The following ACSL1 variants were observed in gnomAD, a reference collection of about 807,000 sequenced individuals.
ACSL1 encodes acyl-CoA synthetase long chain family member 1.
In ACSL1, 41 loss-of-function variants were observed where a neutral mutation model predicts 98.4. The ratio of observed to expected loss-of-function variants is 0.42; its 90% CI spans 0.32 to 0.54. The LOEUF (loss-of-function observed/expected upper bound fraction) is 0.54, where lower values mean the gene tolerates loss of function less well. ACSL1 is among the 20% of genes least tolerant of loss of function. The pLI is 0.13. For synonymous variants in ACSL1, 316 were observed against 322.7 expected (o/e 0.98, Z 0.22); for missense variants, 734 against 883.1 (o/e 0.83, Z 2.14).
chr4:184,768,108 TGTG>T (rs1763901773), intron 12 of ACSL1: 1 of 519,464 alleles, frequency 1.9e-6, no homozygotes, highest in Non-Finnish European at 3.3e-6. Context: ...GTTTACAAAG[TGTG>T]TTCATGCATT....
chr4:184,804,852 T>C (rs1028231984), intron 1 of ACSL1, among the ~76,000 whole-genome samples: 2 of 152,204 alleles, frequency 1.3e-5, no homozygotes, highest in Non-Finnish European at 1.5e-5. Context: ...GCTCTGTGAT[T>C]CATCCTGAGT....
chr4:184,795,473 C>T (rs1769195101), intron 2 of ACSL1, among the ~76,000 whole-genome samples: 1 of 152,196 alleles, frequency 6.6e-6, no homozygotes, highest in Admixed American at 6.5e-5. Context: ...TGACCTTTAG[C>T]TTTTTCTTCC....
At chr4:184,818,158 G>A (rs1435598015) in intron 1 of ACSL1, among the ~76,000 whole-genome samples, 2 of 152,188 alleles carry the variant, frequency 1.3e-5, no homozygotes, top group Non-Finnish European at 2.9e-5. Flanking sequence ...TCAGAAGCTT[G>A]CCTGAGGCGC....
chr4:184,764,800 A>T, intron 15 of ACSL1, 53 bp downstream of exon 15: 1 of 1,508,874 alleles, frequency 6.6e-7, no homozygotes, highest in South Asian at 1.2e-5. Flanking sequence ...CAGACATACC[A>T]ATAACCCAGT....
chr4:184,764,030 T>A (rs971378166), intron 15 of ACSL1, among the ~76,000 whole-genome samples: 10 of 152,196 alleles, frequency 6.6e-5, no homozygotes, highest in African/African-American at 2.4e-4. Context: ...TAGTGGACAG[T>A]GCTAGGTTCT....
intron 1 of ACSL1, among the ~76,000 whole-genome samples, chr4:184,819,211 T>C (rs6858297): frequency 0.067 from 10,139 of 151,186 alleles, 1,143 homozygotes; most frequent in African/African-American, 0.23. Context: ...GGCACGATCT[T>C]GGCTCACTGC....
Position 184,770,243 on chromosome 4 carries a change from C to G in ACSL1, c.993+156G>C, listed in dbSNP as rs559967781. The G allele has an allele frequency of 2.6e-6, 4 of 1,539,088 alleles. No individual in the cohort carries two copies. In the East Asian group the frequency reaches 9.8e-5, roughly 38 times the overall value. On this transcript the variant is annotated intron_variant, in intron 11 of 20. Coordinates refer to ENST00000281455, the MANE Select transcript of ACSL1 (RefSeq NM_001995.5). ...TTCTCTATAGGGATGACAGTCCGCA[C>G]GCCACACTTACCTTCAATAACTGTT...
chr4:184,770,353 G>A, intron 11 of ACSL1, 46 bp downstream of exon 11: 1 of 1,605,682 alleles, frequency 6.2e-7, no homozygotes, highest in Non-Finnish European at 8.5e-7. Context: ...CAACAACTTA[G>A]CAGAACATAC....
At chr4:184,809,196 C>A (rs1771782962) in intron 1 of ACSL1, among the ~76,000 whole-genome samples, 1 of 152,194 alleles carries the variant, frequency 6.6e-6, no homozygotes, top group South Asian at 2.1e-4. Context: ...CAGCTGAATA[C>A]TTCTACACTT....
chr4:184,774,979 T>C (rs1304682509), intron 7 of ACSL1, among the ~76,000 whole-genome samples: 2 of 152,220 alleles, frequency 1.3e-5, no homozygotes, highest in African/African-American at 2.4e-5. Flanking sequence ...ACATAACTTC[T>C]GGAGATGCCC....
At position 184,757,685 on chromosome 4, in the gene ACSL1, C is replaced by T. The variant is rs1346627652; in HGVS notation, c.1906G>A (p.Glu636Lys). The T allele has an allele frequency of 4.3e-6, 7 of 1,614,060 alleles. No homozygotes were observed. The highest frequency in any genetic ancestry group is 2.2e-5 in the East Asian group (1 of 44,872). The change falls in exon 20 of 21, where the codon GAA becomes AAA. Residue 636 changes from glutamate to lysine, a missense_variant. By Grantham distance (56) the Glu-to-Lys change is moderately conservative. Transcript: ENST00000281455. This position sits in a 1 kb window ranked among gnomAD's most constrained non-coding sequence, Gnocchi z 4.5. Reference sequence around the variant, plus strand: ...TCCTTCCCAAGTCTCACCATATCTTCGAGGATAGCTTTTTTGACATCCTAA... The same window carrying T: ...TCCTTCCCAAGTCTCACCATATCTTTGAGGATAGCTTTTTTGACATCCTAA... ...RNKDVKKAIL[E>K]DMVRLGKDSG...
chr4:184,766,850 GA>G lies in ACSL1; in HGVS notation c.1129-95del. 7.1e-7 allele frequency: 1 copy of G among 1,398,768 alleles called. No individual in the cohort carries two copies. Among genetic ancestry groups the G allele is most frequent in the Non-Finnish European group, 9.7e-7 (1 of 1,034,570 alleles). 86.6% of individuals were successfully genotyped at this position (1,398,768 alleles called of 1,614,324 possible). A position where few individuals can be genotyped will look rare whatever the true frequency, so the allele number is the denominator to read the frequency against. Reference sequence around the variant, plus strand: ...ATCAGAACCCTCACACACAGCTGGGGAACACAAAATGGCACAGCTGCTCTGA... The same window carrying G: ...ATCAGAACCCTCACACACAGCTGGGGACACAAAATGGCACAGCTGCTCTGA... On this transcript the variant is annotated intron_variant, in intron 12 of 20. Coordinates refer to ENST00000281455, the MANE Select transcript of ACSL1 (RefSeq NM_001995.5). The surrounding 1 kb of genome is among the most constrained non-coding windows in gnomAD (Gnocchi z 4.8).
chr4:184,812,365 G>C (rs1385019089), intron 1 of ACSL1: 6 of 331,318 alleles, frequency 1.8e-5, no homozygotes, highest in Non-Finnish European at 2.6e-5. Context: ...TCTGCAGCAA[G>C]TCCCTTGAGG....
intron 3 of ACSL1, among the ~76,000 whole-genome samples, chr4:184,786,030 G>T (rs950677995): frequency 6.6e-6 from 1 of 152,122 alleles, no homozygotes; most frequent in African/African-American, 2.4e-5. Context: ...GTGTGAGTGG[G>T]TGTGAGTATG....
chr4:184,794,832 T>C (rs976190184), intron 2 of ACSL1, among the ~76,000 whole-genome samples: 39 of 152,160 alleles, frequency 2.6e-4, no homozygotes, highest in African/African-American at 8.9e-4. Context: ...GGTTTTCTGA[T>C]TTTTCAACAC....
At chr4:184,759,386 C>T (rs1219736716) in intron 18 of ACSL1, among the ~76,000 whole-genome samples, 3 of 152,308 alleles carry the variant, frequency 2.0e-5, no homozygotes, top group East Asian at 3.9e-4. Context: ...AAACTACCAT[C>T]AGAGCGAACA....
Position 184,803,524 on chromosome 4 carries a change from T to C in ACSL1, c.-10A>G. 6.6e-7 allele frequency: 1 copy of C among 1,515,180 alleles called. No homozygotes were observed. Among genetic ancestry groups the C allele is most frequent in the Non-Finnish European group, 8.9e-7 (1 of 1,126,548 alleles). The allele number at this position is 1,515,180 out of a possible 1,614,324, so 93.9% of individuals were successfully genotyped here. A position where few individuals can be genotyped will look rare whatever the true frequency, so the allele number is the denominator to read the frequency against. Reference sequence around the variant, plus strand: ...GCTCATGGGCTTGCATTGTCCTGTGTTGATAGTTCTCTAAGCTGAATTCTG... The same window carrying C: ...GCTCATGGGCTTGCATTGTCCTGTGCTGATAGTTCTCTAAGCTGAATTCTG... On this transcript the variant is annotated 5_prime_UTR_variant, in exon 2 of 21. Coordinates refer to ENST00000281455, the MANE Select transcript of ACSL1 (RefSeq NM_001995.5). The surrounding 1 kb of genome is among the most constrained non-coding windows in gnomAD (Gnocchi z 4.8).
chr4:184,816,515 C>T (rs976530490), intron 1 of ACSL1, among the ~76,000 whole-genome samples: 2 of 152,076 alleles, frequency 1.3e-5, no homozygotes, highest in Non-Finnish European at 2.9e-5. Flanking sequence ...CTATGCAGTT[C>T]GGCCATTACC....
At chr4:184,823,768 T>C (rs563972885) in intron 1 of ACSL1, among the ~76,000 whole-genome samples, 49 of 152,320 alleles carry the variant, frequency 3.2e-4, no homozygotes, top group African/African-American at 1.0e-3. Context: ...GCATAAGAAA[T>C]TTCAGTTTGT....
Sources: allele counts gnomAD v4.1 joint callset (sites outside exome capture counted in the v4.1 genomes callset), GRCh38; gene constraint gnomAD v4.1.1; non-coding constraint Gnocchi (gnomAD v3.1); transcripts MANE v1.5; gene names NCBI Gene and HGNC (gene_info 2026-07-23, HGNC 2026-07-21).